The following PNKD variants were observed in gnomAD, a reference collection of about 807,000 sequenced individuals.
PNKD encodes probable thioesterase PNKD.
Under a neutral mutation model 45.3 loss-of-function variants are expected in PNKD, and 36 were observed. The ratio of observed to expected loss-of-function variants is 0.80; its 90% CI spans 0.61 to 1.05. The LOEUF (loss-of-function observed/expected upper bound fraction) is 1.05. Ranked by LOEUF, PNKD falls within the 50% of genes least tolerant of loss-of-function variation. The pLI is 0.00. For missense variants in PNKD, 511 were observed against 506.6 expected (o/e 1.01, Z -0.08); for synonymous variants, 197 against 210.1 (o/e 0.94, Z 0.54).
At chr2:218,327,368 C>T (rs1161704065) in intron 2 of PNKD, among the ~76,000 whole-genome samples, 1 of 152,186 alleles carries the variant, frequency 6.6e-6, no homozygotes, top group African/African-American at 2.4e-5. Flanking sequence ...TTGAGTGAAT[C>T]CTCCCAGCCC....
chr2:218,302,064 C>A (rs1693285957), intron 2 of PNKD, among the ~76,000 whole-genome samples: 1 of 152,126 alleles, frequency 6.6e-6, no homozygotes, highest in Admixed American at 6.5e-5. Context: ...AGAGTGGCAC[C>A]CAAGGCAGGG....
rs1393170995 is a variant in PNKD, at chr2:218,315,057, T to TCTTC, written c.237-24710_237-24707dup. Among the ~76,000 whole-genome samples the TCTTC allele has an allele frequency of 6.3e-3, 349 of 55,632 alleles. 18 individuals carry two copies. The highest frequency in any genetic ancestry group is 0.02 in the Middle Eastern group (2 of 102). The allele number at this position is 55,632 out of a possible 152,430, so 36.5% of individuals were successfully genotyped here. A position where few individuals can be genotyped will look rare whatever the true frequency, so the allele number is the denominator to read the frequency against. On this transcript the variant is annotated intron_variant, in intron 2 of 9. Coordinates refer to ENST00000273077, the MANE Select transcript of PNKD (RefSeq NM_015488.5). ...CTTTCTTTTTCTTTCTTTCTTTCTT[T>TCTTC]CTTCCTTCCTTCCTTCCTTTCTTTC...
intron 2 of PNKD, chr2:218,280,332 G>C: frequency 1.9e-6 from 1 of 523,090 alleles, no homozygotes; most frequent in South Asian, 2.0e-5. Flanking sequence ...GGTGGGAAAC[G>C]TTCCTCACGT....
chr2:218,340,084 C>T lies in PNKD; in HGVS notation c.408C>T (p.Ile136=), dbSNP rs763052723. The stretch of plus-strand genomic sequence containing the variant: ...CGGACAACTACAGCTACCTCATCAT[C>T]GACACCCAGGCCCAGCTGGCTGTGG... The part of the protein sequence containing the change: ...VLSDNYSYLI[I]DTQAQLAVAV... Residue 136 remains isoleucine (I), a synonymous_variant, in exon 4 of 10, where the codon ATC becomes ATT. Coordinates refer to ENST00000273077, the MANE Select transcript of PNKD (RefSeq NM_015488.5). This position sits in a 1 kb window ranked among gnomAD's most constrained non-coding sequence, Gnocchi z 4.2. 1.9e-6 allele frequency: 3 copies of T among 1,613,964 alleles called. No homozygotes were observed. Among genetic ancestry groups the T allele is most frequent in the East Asian group, 4.5e-5 (2 of 44,884 alleles).
rs370963150 is a variant in PNKD, at chr2:218,342,156, C to G, written c.781+12C>G. On this transcript the variant is annotated intron_variant, in intron 7 of 9. Transcript: ENST00000273077. ...CCTCTCTGGCTGTGGTGAGTTTCCC[C>G]GAAAGAGAGAGGAGCTGGGAGAGGA... 22 of 1,610,454 alleles carry G rather than the reference C, an allele frequency of 1.4e-5. No homozygotes were observed. In the East Asian group the frequency reaches 4.9e-4, roughly 36 times the overall value.
chr2:218,323,421 T>G, intron 2 of PNKD: 1 of 1,567,412 alleles, frequency 6.4e-7, no homozygotes, highest in Non-Finnish European at 8.6e-7. Context: ...GCGGCTGCTC[T>G]TCCGAATCGG....
chr2:218,295,165 G>A (rs1693112008), intron 2 of PNKD, among the ~76,000 whole-genome samples: 1 of 152,222 alleles, frequency 6.6e-6, no homozygotes, highest in Admixed American at 6.5e-5. Context: ...CTGGCCCAGA[G>A]CAGCAGTGCT....
At chr2:218,335,707 C>G (rs934715100) in intron 2 of PNKD, among the ~76,000 whole-genome samples, 8 of 152,174 alleles carry the variant, frequency 5.3e-5, no homozygotes, top group Non-Finnish European at 1.0e-4. Context: ...TGGCAAAGCC[C>G]TTCAACCATG....
intron 2 of PNKD, among the ~76,000 whole-genome samples, chr2:218,291,158 A>C (rs1692902653): frequency 6.6e-6 from 1 of 152,140 alleles, no homozygotes; most frequent in Non-Finnish European, 1.5e-5. Flanking sequence ...CAACACTTAC[A>C]GGATAACCCA....
intron 2 of PNKD, among the ~76,000 whole-genome samples, chr2:218,321,492 G>C (rs1246288927): frequency 6.6e-6 from 1 of 152,042 alleles, no homozygotes; most frequent in Non-Finnish European, 1.5e-5. Flanking sequence ...AGAAACTCCA[G>C]GTCTGTCTGG....
At chr2:218,333,577 G>T (rs953166779) in intron 2 of PNKD, among the ~76,000 whole-genome samples, 1 of 152,118 alleles carries the variant, frequency 6.6e-6, no homozygotes, top group African/African-American at 2.4e-5. Context: ...GTCCTTCGGG[G>T]TAAGTCACAG....
At chr2:218,302,806 G>A (rs7557709) in intron 2 of PNKD, among the ~76,000 whole-genome samples, 93,941 of 152,116 alleles carry the variant, frequency 0.62, 29,161 homozygotes, top group African/African-American at 0.66. Flanking sequence ...TAGTCAGGGC[G>A]GGGGGACAGG....
intron 2 of PNKD, chr2:218,276,029 G>A (rs1293701895): frequency 6.2e-7 from 1 of 1,612,128 alleles, no homozygotes; most frequent in South Asian, 1.1e-5. Flanking sequence ...GACTTACCAG[G>A]GTGAAACAAA....
intron 2 of PNKD, among the ~76,000 whole-genome samples, chr2:218,336,796 T>C: frequency 7.1e-6 from 1 of 140,132 alleles, no homozygotes; most frequent in South Asian, 2.4e-4. Flanking sequence ...TTCTTTTTTT[T>C]TTTTTTTTTT....
intron 2 of PNKD, among the ~76,000 whole-genome samples, chr2:218,327,550 C>T (rs549164101): frequency 2.1e-4 from 32 of 152,268 alleles, no homozygotes; most frequent in African/African-American, 7.7e-4. Flanking sequence ...CCCACTGACA[C>T]AGCTTCCCCC....
intron 2 of PNKD, among the ~76,000 whole-genome samples, chr2:218,325,009 T>C (rs1174604010): frequency 1.3e-4 from 15 of 115,970 alleles, no homozygotes; most frequent in South Asian, 3.1e-4. Flanking sequence ...TTTTTTTTTT[T>C]TTTTTTTTTT....
intron 2 of PNKD, among the ~76,000 whole-genome samples, chr2:218,316,268 CTTTTTT>C (rs397972881): frequency 2.5e-5 from 3 of 119,586 alleles, no homozygotes; most frequent in East Asian, 2.5e-4. Flanking sequence ...TTCTTTCTTT[CTTTTTT>C]TTTTTTTTTT....
chr2:218,277,899 C>T lies in PNKD; in HGVS notation c.236+6350C>T, dbSNP rs768636631. On this transcript the variant is annotated intron_variant, in intron 2 of 9. Transcript: ENST00000273077. ...TCCCTGGGAGCAGTCTCCCTCACAG[C>T]ATCTCCACACCCTCCTGCCACCCTT... is the stretch of plus-strand genomic sequence containing the variant. The T allele has an allele frequency of 3.7e-6, 6 of 1,613,772 alleles. No individual in the cohort carries two copies. The South Asian group carries it at 5.5e-5, about 15-fold the overall frequency.
chr2:218,297,127 A>G (rs1358972892), intron 2 of PNKD, among the ~76,000 whole-genome samples: 2 of 152,206 alleles, frequency 1.3e-5, no homozygotes, highest in African/African-American at 4.8e-5. Flanking sequence ...CATCTGTTGA[A>G]TTGAATGCCA....
Sources: gnomAD v4.1 joint callset for allele counts (sites outside exome capture counted in the v4.1 genomes callset) on GRCh38, gnomAD v4.1.1 for gene constraint, Gnocchi (gnomAD v3.1) non-coding constraint, MANE v1.5 for transcripts, NCBI Gene and HGNC (gene_info 2026-07-23, HGNC 2026-07-21) for gene names.